The following ACAD8 variants were observed in gnomAD, a reference collection of about 807,000 sequenced individuals.
ACAD8 encodes isobutyryl-CoA dehydrogenase, mitochondrial.
In ACAD8, 47 loss-of-function variants were observed where a neutral mutation model predicts 53.1. The observed-to-expected ratio is 0.89, with a 90% CI of 0.70 to 1.13. The LOEUF (loss-of-function observed/expected upper bound fraction) is 1.13, where lower values mean the gene tolerates loss of function less well. Among genes scored for constraint, ACAD8 ranks in the 50% most tolerant of loss-of-function variants. The pLI is 0.00. For synonymous variants in ACAD8, 198 were observed against 201.3 expected (o/e 0.98, Z 0.14); for missense variants, 494 against 535.0 (o/e 0.92, Z 0.76).
chr11:134,258,848 C>G, intron 4 of ACAD8, 160 bp from the exon 5 acceptor site: 1 of 767,834 alleles, frequency 1.3e-6, no homozygotes. Context: ...GCAGTTTCCA[C>G]CAAGTACAGA....
rs1203589653 is a variant in ACAD8, at chr11:134,261,195, G to A, written c.841+16G>A. 6.2e-7 allele frequency: 1 copy of A among 1,613,910 alleles called. No individual in the cohort carries two copies. Among genetic ancestry groups the A allele is most frequent in the East Asian group, 2.2e-5 (1 of 44,878 alleles). On this transcript the variant is annotated intron_variant, in intron 7 of 10. Coordinates refer to ENST00000281182, the MANE Select transcript of ACAD8 (RefSeq NM_014384.3). The surrounding 1 kb of genome is among the most constrained non-coding windows in gnomAD (Gnocchi z 4.2). ...ATCAATATTGGTGAGATACGCAGGGGTGTGGCAGGGAGGTAGCGGTCCGGG... is the reference window on the plus strand; with the variant it reads ...ATCAATATTGGTGAGATACGCAGGGATGTGGCAGGGAGGTAGCGGTCCGGG...
At chr11:134,254,968 G>A (rs1304720654) in intron 1 of ACAD8, among the ~76,000 whole-genome samples, 1 of 152,122 alleles carries the variant, frequency 6.6e-6, no homozygotes, top group Non-Finnish European at 1.5e-5. Flanking sequence ...CATATGATTT[G>A]CATAAAACTA....
rs756685371 is a variant in ACAD8 at position 134,253,690 on chromosome 11, C to G, written c.90C>G (p.Ser30Arg). The part of the protein sequence containing the change: ...LRVLVQTGHR[S>R]LTSCIDPSMG... ...TCCTCGTCCAGACCGGCCACCGGAG[C>G]TTGACCTCCTGCATCGACCGTAAGG... The change falls in exon 1 of 11, where the codon AGC becomes AGG. Residue 30 changes from serine to arginine, a missense_variant. Transcript: ENST00000281182. 6.3e-7 allele frequency: 1 copy of G among 1,599,312 alleles called. No individual in the cohort carries two copies. The highest frequency in any genetic ancestry group is 1.1e-5 in the South Asian group (1 of 89,074).
intron 5 of ACAD8, chr11:134,259,286 T>C (rs1218879903): frequency 4.2e-6 from 3 of 706,624 alleles, no homozygotes; most frequent in African/African-American, 1.7e-5. Context: ...CGTTGACTTT[T>C]GTCTATCCTT....
At chr11:134,260,298 A>G (rs1303375202) in intron 6 of ACAD8, 14 of 645,324 alleles carry the variant, frequency 2.2e-5, no homozygotes, top group Non-Finnish European at 2.8e-5. Context: ...ATGTAACCGT[A>G]ATTGGTAATA....
chr11:134,256,978 G>A, intron 2 of ACAD8, 110 bp from the exon 3 acceptor site: 2 of 1,158,212 alleles, frequency 1.7e-6, no homozygotes, highest in Non-Finnish European at 2.6e-6. Context: ...CATATTAAGA[G>A]AATTCATACG....
In ACAD8 at chr11:134,262,618, A is replaced by G; in HGVS notation, c.1191A>G (p.Leu397=). ...GGGACTCCAGGGTCCACCAGATTCTAGAAGGTAAAAATTGCCAGAGGTTAT... is the reference window on the plus strand; with the variant it reads ...GGGACTCCAGGGTCCACCAGATTCTGGAAGGTAAAAATTGCCAGAGGTTAT... ...YVRDSRVHQI[L]EGSNEVMRIL... Residue 397 remains leucine (L), a synonymous_variant, in exon 10 of 11, where the codon CTA becomes CTG. Coordinates refer to ENST00000281182, the MANE Select transcript of ACAD8 (RefSeq NM_014384.3). The G allele has an allele frequency of 6.2e-7, 1 of 1,613,266 alleles. No individual in the cohort carries two copies. Among genetic ancestry groups the G allele is most frequent in the Non-Finnish European group, 8.5e-7 (1 of 1,179,464 alleles).
chr11:134,260,944 T>G, intron 6 of ACAD8, 100 bp from the exon 7 acceptor site: 1 of 1,400,420 alleles, frequency 7.1e-7, no homozygotes, highest in South Asian at 1.2e-5. Context: ...GGTCTAAGTC[T>G]TGGGTGCTGA....
chr11:134,262,424 G>T (rs753957593), intron 9 of ACAD8, 96 bp from the exon 10 acceptor site: 13 of 793,356 alleles, frequency 1.6e-5, no homozygotes, highest in Middle Eastern at 6.0e-4. Flanking sequence ...ATGGGTTTAT[G>T]GCGGGCTGCC....
chr11:134,256,855 T>G, intron 2 of ACAD8: 5 of 665,326 alleles, frequency 7.5e-6, no homozygotes, highest in East Asian at 2.7e-5. Flanking sequence ...GAATAAAGAT[T>G]TGGATATAAA....
chr11:134,263,313 G>C, intron 10 of ACAD8: 1 of 999,454 alleles, frequency 1.0e-6, no homozygotes, highest in Non-Finnish European at 1.2e-6. Flanking sequence ...TTATATAATG[G>C]GGCTTCCCTG....
chr11:134,263,213 G>T lies in ACAD8; in HGVS notation c.1195+591G>T, dbSNP rs376801120. ...TCTCTACAGCCAGTGCGGAAGTCTT[G>T]AAATGACACGACTCTTGGAAAAGCA... On this transcript the variant is annotated intron_variant, in intron 10 of 10. Transcript: ENST00000281182. 79 of 1,007,458 alleles carry T rather than the reference G, an allele frequency of 7.8e-5. No homozygotes were observed. In the South Asian group the frequency reaches 2.8e-3, roughly 36 times the overall value. The allele number at this position is 1,007,458 out of a possible 1,614,324, so 62.4% of individuals were successfully genotyped here.
chr11:134,257,342 T>C, intron 3 of ACAD8, 85 bp downstream of exon 3: 2 of 1,538,922 alleles, frequency 1.3e-6, no homozygotes, highest in Non-Finnish European at 1.8e-6. Flanking sequence ...AAGATTGATC[T>C]TTTGAAGCTG....
In ACAD8 at chr11:134,258,988, G is replaced by A; in HGVS notation, c.491-20G>A. The stretch of plus-strand genomic sequence containing the variant: ...CTGACTTTCTCACCTTCTCTCTGCT[G>A]CCTTTTGATCCCTCCTCAGGAAGTG... On this transcript the variant is annotated intron_variant, in intron 4 of 10. Transcript: ENST00000281182. 6.2e-7 allele frequency: 1 copy of A among 1,608,470 alleles called. No homozygotes were observed. The highest frequency in any genetic ancestry group is 8.5e-7 in the Non-Finnish European group (1 of 1,174,954).
rs1047984981 is a variant in ACAD8, at chr11:134,256,578, A to G, written c.140A>G (p.Glu47Gly). Residue 47 changes from glutamate to glycine, a missense_variant, in exon 2 of 11, where the codon GAA becomes GGA. Physicochemically the swap from Glu to Gly is moderately conservative, Grantham distance 98 (BLOSUM62 -2). Transcript: ENST00000281182. ...PSMGLNEEQK[E>G]FQKVAFDFAA... ...ATGGGACTTAATGAAGAGCAGAAAGAATTTCAAAAAGTGGCCTTTGACTTT... is the reference window on the plus strand; with the variant it reads ...ATGGGACTTAATGAAGAGCAGAAAGGATTTCAAAAAGTGGCCTTTGACTTT... 2.5e-6 allele frequency: 4 copies of G among 1,614,114 alleles called. No individual in the cohort carries two copies. In the African/African-American group the frequency reaches 4.0e-5, roughly 16 times the overall value.
At chr11:134,263,514 C>T in intron 10 of ACAD8, 1 of 985,562 alleles carries the variant, frequency 1.0e-6, no homozygotes. Context: ...ACTTTGAGAC[C>T]CACCGCTCTG....
At position 134,261,153 on chromosome 11, in the gene ACAD8, G is replaced by T; in HGVS notation, c.815G>T (p.Gly272Val). Reference protein sequence around the residue: ...EGQGFLIAVRGLNGGRINIAS... With the variant: ...EGQGFLIAVRVLNGGRINIAS... ...CAGGGCTTCCTCATTGCCGTGAGAGGACTGAACGGAGGGAGGATCAATATT... is the reference window on the plus strand; with the variant it reads ...CAGGGCTTCCTCATTGCCGTGAGAGTACTGAACGGAGGGAGGATCAATATT... Residue 272 changes from glycine (G) to valine (V), a missense_variant, in exon 7 of 11, where the codon GGA (glycine) becomes GTA (valine). Transcript: ENST00000281182. This position sits in a 1 kb window ranked among gnomAD's most constrained non-coding sequence, Gnocchi z 4.2. 1 of 1,612,954 alleles carries T rather than the reference G, an allele frequency of 6.2e-7. No individual in the cohort carries two copies. The highest frequency in any genetic ancestry group is 8.5e-7 in the Non-Finnish European group (1 of 1,179,622).
rs893499697 is a variant in ACAD8 at position 134,256,994 on chromosome 11, G to T, written c.211-94G>T. 6 of 1,290,664 alleles carry T rather than the reference G, an allele frequency of 4.6e-6. No individual in the cohort carries two copies. In the Admixed American group the frequency reaches 8.4e-5, roughly 18 times the overall value. The allele number at this position is 1,290,664 out of a possible 1,614,324, so 80.0% of individuals were successfully genotyped here. On this transcript the variant is annotated intron_variant, in intron 2 of 10. Coordinates refer to ENST00000281182, the MANE Select transcript of ACAD8 (RefSeq NM_014384.3). ...ATATTAAGAGAATTCATACGCTGTCGCATGTGCAAGCCTCCTAATCCCTCA... is the reference window on the plus strand; with the variant it reads ...ATATTAAGAGAATTCATACGCTGTCTCATGTGCAAGCCTCCTAATCCCTCA...
chr11:134,261,322 GACC>G lies in ACAD8; in HGVS notation c.893_895del (p.His298del). On this transcript the variant is annotated inframe_deletion, in exon 8 of 11. Transcript: ENST00000281182. This position sits in a 1 kb window ranked among gnomAD's most constrained non-coding sequence, Gnocchi z 4.2. ...CCACGCCTCTGTCATCCTCACCCGAGACCACCTCAATGTCCGGAAGCAGTTTGG... is the reference window on the plus strand; with the variant it reads ...CCACGCCTCTGTCATCCTCACCCGAGACCTCAATGTCCGGAAGCAGTTTGG... The G allele has an allele frequency of 6.2e-7, 1 of 1,614,094 alleles. No homozygotes were observed. Among genetic ancestry groups the G allele is most frequent in the African/African-American group, 1.3e-5 (1 of 75,022 alleles).
Sources: gnomAD v4.1 joint callset for allele counts (sites outside exome capture counted in the v4.1 genomes callset) on GRCh38, gnomAD v4.1.1 for gene constraint, Gnocchi (gnomAD v3.1) non-coding constraint, MANE v1.5 for transcripts, NCBI Gene and HGNC (gene_info 2026-07-23, HGNC 2026-07-21) for gene names.